ZNF140: variants seen among roughly 807,000 people sequenced by gnomAD.
The protein encoded by ZNF140 is zinc finger protein 140, also known as zinc finger protein 140 (clone pHZ-39).
Under a neutral mutation model 12.9 loss-of-function variants are expected in ZNF140, and 13 were observed. The observed-to-expected ratio is 1.01, with a 90% CI of 0.66 to 1.60. The LOEUF (loss-of-function observed/expected upper bound fraction) is 1.60, where lower values mean the gene tolerates loss of function less well. ZNF140 is among the 40% of genes most tolerant of loss of function. The probability of loss-of-function intolerance (pLI) is 0.00; values close to 1 mark genes in which losing one functional copy is unlikely to be tolerated. For missense variants in ZNF140, 531 were observed against 548.8 expected, an observed-to-expected ratio of 0.97 and a Z score of 0.32; for synonymous variants, 214 against 186.7, an observed-to-expected ratio of 1.15 and a Z score of -1.19.
chr12:133,084,283 C>T, intron 4 of ZNF140: 1 of 342,482 alleles, frequency 2.9e-6, no homozygotes, highest in Non-Finnish European at 5.5e-6. Context: ...TATTTAATCA[C>T]CTTGAAAAGA....
chr12:133,093,784 T>TA (rs1222816650), intron 4 of ZNF140, among the ~76,000 whole-genome samples: 1 of 151,062 alleles, frequency 6.6e-6, no homozygotes, highest in Non-Finnish European at 1.5e-5. Context: ...TCCCTTCTCT[T>TA]ACAGTCTCTC....
intron 4 of ZNF140, chr12:133,101,044 T>A: frequency 2.3e-6 from 1 of 441,450 alleles, no homozygotes; most frequent in South Asian, 1.6e-5. Flanking sequence ...CCAGCCTTGT[T>A]CCTTTATAGG....
chr12:133,102,575 GTAAA>G (rs1362855521), intron 4 of ZNF140, among the ~76,000 whole-genome samples: 3 of 151,762 alleles, frequency 2.0e-5, no homozygotes, highest in East Asian at 1.9e-4. Flanking sequence ...AGATACATAA[GTAAA>G]TAAATAAATA....
In ZNF140 at chr12:133,106,092, A is replaced by G; in HGVS notation, c.815A>G (p.Gln272Arg). 2 of 1,614,082 alleles carry G rather than the reference A, an allele frequency of 1.2e-6. No individual in the cohort carries two copies. The highest frequency in any genetic ancestry group is 1.7e-6 in the Non-Finnish European group (2 of 1,179,992). ...RHQRIHIGKKQYICRKCGKAF... is the reference protein window; with the variant it reads ...RHQRIHIGKKRYICRKCGKAF... The stretch of plus-strand genomic sequence containing the variant: ...CAAAGAATTCACATAGGAAAGAAAC[A>G]ATATATATGTAGGAAATGTGGTAAA... The change falls in exon 5 of 5, where the codon CAA (glutamine) becomes CGA (arginine). Residue 272 changes from glutamine (Q) to arginine (R), a missense_variant. Transcript: ENST00000355557.
chr12:133,090,043 C>T (rs1954804870), intron 4 of ZNF140, among the ~76,000 whole-genome samples: 1 of 151,814 alleles, frequency 6.6e-6, no homozygotes, highest in Non-Finnish European at 1.5e-5. Flanking sequence ...GAGATGGGGT[C>T]TCATCATGTT....
intron 4 of ZNF140, among the ~76,000 whole-genome samples, chr12:133,091,117 T>A (rs1295585846): frequency 1.3e-5 from 2 of 149,732 alleles, no homozygotes; most frequent in Non-Finnish European, 3.0e-5. Context: ...CTTTTACAGG[T>A]GTCGGGCTGG....
At chr12:133,093,817 A>T (rs1593770872) in intron 4 of ZNF140, among the ~76,000 whole-genome samples, 1 of 150,480 alleles carries the variant, frequency 6.6e-6, no homozygotes, top group South Asian at 2.1e-4. Context: ...TCTCTCTCAC[A>T]CACTTTATCT....
chr12:133,106,079 A>G lies in ZNF140; in HGVS notation c.802A>G (p.Ile268Val). 1 of 1,614,146 alleles carries G rather than the reference A, an allele frequency of 6.2e-7. No homozygotes were observed. Among genetic ancestry groups the G allele is most frequent in the Non-Finnish European group, 8.5e-7 (1 of 1,180,012 alleles). The change falls in exon 5 of 5, where the codon ATA becomes GTA. Residue 268 changes from isoleucine (I) to valine (V), a missense_variant. Ile to Val is a conservative substitution (Grantham distance 29). Transcript: ENST00000355557. The stretch of plus-strand genomic sequence containing the variant: ...CCTCACTCGACATCAAAGAATTCAC[A>G]TAGGAAAGAAACAATATATATGTAG... ...SNLTRHQRIH[I>V]GKKQYICRKC... is the part of the protein sequence containing the mutation.
intron 4 of ZNF140, among the ~76,000 whole-genome samples, chr12:133,102,657 G>A (rs1254170707): frequency 6.6e-6 from 1 of 150,858 alleles, no homozygotes; most frequent in Non-Finnish European, 1.5e-5. Context: ...GCTGAGGCAG[G>A]AGAATTGCTC....
chr12:133,081,636 G>C (rs1954507159), intron 2 of ZNF140: 1 of 450,158 alleles, frequency 2.2e-6, no homozygotes, highest in Admixed American at 2.4e-5. Flanking sequence ...AAGTATACAT[G>C]AAGAGAGTGA....
At chr12:133,088,220 A>T (rs653143) in intron 4 of ZNF140, among the ~76,000 whole-genome samples, 1 of 152,154 alleles carries the variant, frequency 6.6e-6, no homozygotes, top group Non-Finnish European at 1.5e-5. Flanking sequence ...AAATACCATT[A>T]TTGTTTATAG....
At chr12:133,098,382 A>G (rs1254575626) in intron 4 of ZNF140, among the ~76,000 whole-genome samples, 1 of 151,746 alleles carries the variant, frequency 6.6e-6, no homozygotes, top group African/African-American at 2.4e-5. Flanking sequence ...GATTACAGGC[A>G]TGCGTGCTAC....
chr12:133,081,535 T>G (rs1342276352), intron 2 of ZNF140: 1 of 457,184 alleles, frequency 2.2e-6, no homozygotes, highest in Admixed American at 2.3e-5. Context: ...TTTTCAGGAC[T>G]TGGGACGTGG....
intron 2 of ZNF140, 33 bp from the exon 3 acceptor site, chr12:133,083,070 G>T: frequency 6.2e-7 from 1 of 1,613,960 alleles, no homozygotes; most frequent in Non-Finnish European, 8.5e-7. Context: ...GGGCATGCGT[G>T]CTGGTCATGC....
At chr12:133,080,454 T>C (rs1168580771), upstream of ZNF140, 1 of 152,500 alleles carries the variant, frequency 6.6e-6, no homozygotes, top group African/African-American at 2.4e-5. Flanking sequence ...GTCGCGGTTG[T>C]TTCTGGGAAG....
At chr12:133,080,629 C>T (rs1336515700), upstream of ZNF140, 2 of 152,376 alleles carry the variant, frequency 1.3e-5, no homozygotes, top group Admixed American at 6.5e-5. Flanking sequence ...CTTTGTTTCT[C>T]GGCTCTGGGC....
intron 4 of ZNF140, among the ~76,000 whole-genome samples, chr12:133,089,915 A>G (rs1474261507): frequency 1.5e-4 from 23 of 150,792 alleles, no homozygotes; most frequent in African/African-American, 4.6e-4. Context: ...CAATGGCACT[A>G]TCTCACTTAC....
In ZNF140 at chr12:133,083,226, C is replaced by T. The variant is rs968539708; in HGVS notation, c.133C>T (p.Leu45=). ...GGAGAACTATGGCCATCTGGTCTCA[C>T]TGGGTAAGTATTCTTCTTCATCTCC... The part of the protein sequence containing the change: ...MLENYGHLVS[L]GLSISKPDVV... The change falls in exon 3 of 5, where the codon CTG becomes TTG. Residue 45 remains leucine (L), a synonymous_variant. Coordinates refer to ENST00000355557, the MANE Select transcript of ZNF140 (RefSeq NM_003440.4). The T allele has an allele frequency of 7.6e-5, 122 of 1,611,660 alleles. No homozygotes were observed. In the African/African-American group the frequency reaches 1.4e-3, roughly 19 times the overall value.
chr12:133,084,207 C>A, intron 4 of ZNF140: 1 of 421,614 alleles, frequency 2.4e-6, no homozygotes, highest in East Asian at 7.5e-5. Flanking sequence ...AATGGACATA[C>A]ATTTCTATTG....
Sources: allele counts gnomAD v4.1 joint callset (sites outside exome capture counted in the v4.1 genomes callset), GRCh38; gene constraint gnomAD v4.1.1; transcripts MANE v1.5; gene names NCBI Gene and HGNC (gene_info 2026-07-23, HGNC 2026-07-21).